CTNNA3: variants seen among roughly 807,000 people sequenced by gnomAD.
CTNNA3 encodes the protein catenin alpha-3.
Under a neutral mutation model 95.7 loss-of-function variants are expected in CTNNA3, and 76 were observed. The observed-to-expected ratio is 0.79, with a 90% CI of 0.66 to 0.96. The LOEUF (loss-of-function observed/expected upper bound fraction) is 0.96, where lower values mean the gene tolerates loss of function less well. CTNNA3 is among the 40% of genes least tolerant of loss of function. CTNNA3 has a pLI of 0.00. For synonymous variants in CTNNA3, 431 were observed against 374.4 expected (o/e 1.15, Z -1.74); for missense variants, 1,191 against 1,089.8 (o/e 1.09, Z -1.31).
intron 12 of CTNNA3, among the ~76,000 whole-genome samples, chr10:66,321,496 C>A (rs2092184941): frequency 1.3e-5 from 2 of 152,052 alleles, no homozygotes; most frequent in Non-Finnish European, 2.9e-5. Flanking sequence ...AAACTCTTAG[C>A]CTGTTTTAGA....
intron 3 of CTNNA3, among the ~76,000 whole-genome samples, chr10:67,558,649 T>G (rs1447486230): frequency 2.0e-5 from 3 of 152,070 alleles, no homozygotes; most frequent in Admixed American, 1.3e-4. Context: ...GGACAGTGGG[T>G]GCAGTGCACT....
rs1276069216 is a variant in CTNNA3, at chr10:66,427,247, T to G, written c.1532-47895A>C. ...CTCCACATTGGAGCCCAGGATACCT[T>G]TGGTTCTAATTTCTTCTCACTGCCA... On this transcript the variant is annotated intron_variant, in intron 11 of 17. Coordinates refer to ENST00000433211, the MANE Select transcript of CTNNA3 (RefSeq NM_013266.4). Among the ~76,000 whole-genome samples the G allele has an allele frequency of 2.0e-5, 3 of 152,150 alleles. No individual in the cohort carries two copies. The South Asian group carries it at 6.2e-4, about 32-fold the overall frequency.
At chr10:66,708,670 T>G (rs2132596753) in intron 9 of CTNNA3, among the ~76,000 whole-genome samples, 1 of 152,210 alleles carries the variant, frequency 6.6e-6, no homozygotes, top group South Asian at 2.1e-4. Context: ...AGGAAAGATA[T>G]AGCTCTCTCA....
chr10:66,189,692 A>C (rs1234003385), intron 13 of CTNNA3, among the ~76,000 whole-genome samples: 1 of 150,252 alleles, frequency 6.7e-6, no homozygotes. Flanking sequence ...TTTTTCTTTT[A>C]AATTACATAG....
chr10:66,713,558 A>G (rs977729428), intron 9 of CTNNA3, among the ~76,000 whole-genome samples: 1 of 152,074 alleles, frequency 6.6e-6, no homozygotes, highest in Non-Finnish European at 1.5e-5. Context: ...CCCTACTAAT[A>G]GATTATATCC....
intron 8 of CTNNA3, among the ~76,000 whole-genome samples, chr10:66,771,520 G>A (rs1349030168): frequency 2.0e-5 from 3 of 152,122 alleles, no homozygotes. Context: ...TAAAATCAGT[G>A]TATTAGGCAC....
chr10:67,586,305 G>C (rs551839127), intron 3 of CTNNA3, among the ~76,000 whole-genome samples: 1 of 152,060 alleles, frequency 6.6e-6, no homozygotes, highest in East Asian at 1.9e-4. Flanking sequence ...CCAGTTGTTG[G>C]GTAGAGTGTT....
At chr10:66,008,841 C>T (rs2078947791) in intron 15 of CTNNA3, among the ~76,000 whole-genome samples, 1 of 152,260 alleles carries the variant, frequency 6.6e-6, no homozygotes, top group East Asian at 1.9e-4. Flanking sequence ...GTGGCTCACA[C>T]CTGTAATCCC....
At chr10:67,673,065 A>G (rs1589556566) in intron 1 of CTNNA3, among the ~76,000 whole-genome samples, 1 of 151,738 alleles carries the variant, frequency 6.6e-6, no homozygotes, top group South Asian at 2.1e-4. Flanking sequence ...CTCCTTGAAG[A>G]GGTCCTTCAC....
intron 12 of CTNNA3, among the ~76,000 whole-genome samples, chr10:66,360,725 TTTC>T (rs1564896703): frequency 7.7e-4 from 12 of 15,624 alleles, no homozygotes; most frequent in African/African-American, 1.4e-3. Flanking sequence ...CCTTTCTTCC[TTTC>T]TTTCTTTCTT....
Position 66,531,024 on chromosome 10 carries a change from A to G in CTNNA3, c.1375-10251T>C, listed in dbSNP as rs573727378. Among the ~76,000 whole-genome samples, 7 of 152,232 alleles carry G rather than the reference A, an allele frequency of 4.6e-5. No individual in the cohort carries two copies. The South Asian group carries it at 1.0e-3, about 23-fold the overall frequency. The stretch of plus-strand genomic sequence containing the variant: ...GAAAATGTAATAAGTGGGAAAAATA[A>G]TGCTCCCGGGAGGTCTGTAAAAGGC... On this transcript the variant is annotated intron_variant, in intron 10 of 17. Coordinates refer to ENST00000433211, the MANE Select transcript of CTNNA3 (RefSeq NM_013266.4).
In CTNNA3 at chr10:66,927,029, G is replaced by A; in HGVS notation, c.1048-151505C>T. 1 of 1,614,156 alleles carries A rather than the reference G, an allele frequency of 6.2e-7. No homozygotes were observed. The highest frequency in any genetic ancestry group is 8.5e-7 in the Non-Finnish European group (1 of 1,180,022). On this transcript the variant is annotated intron_variant, in intron 7 of 17. Coordinates refer to ENST00000433211, the MANE Select transcript of CTNNA3 (RefSeq NM_013266.4). This position sits in a 1 kb window ranked among gnomAD's most constrained non-coding sequence, Gnocchi z 4.7. ...GCCGAACGAGGATGCCCTAAGGGCTGTAGGTGTGAAGGCAAAATGGTATAT... is the reference window on the plus strand; with the variant it reads ...GCCGAACGAGGATGCCCTAAGGGCTATAGGTGTGAAGGCAAAATGGTATAT...
intron 10 of CTNNA3, among the ~76,000 whole-genome samples, chr10:66,526,789 A>T (rs910949579): frequency 6.6e-6 from 1 of 151,892 alleles, no homozygotes; most frequent in African/African-American, 2.4e-5. Flanking sequence ...CCCATTTTTA[A>T]ATTGTTTTTT....
intron 13 of CTNNA3, among the ~76,000 whole-genome samples, chr10:66,218,744 G>A (rs1165980215): frequency 6.6e-6 from 1 of 152,182 alleles, no homozygotes; most frequent in Non-Finnish European, 1.5e-5. Flanking sequence ...AACTTAAAAT[G>A]TAAGAGTGGC....
At chr10:66,360,615 C>CTTTCTT (rs1434563317) in intron 12 of CTNNA3, among the ~76,000 whole-genome samples, 1 of 27,970 alleles carries the variant, frequency 3.6e-5, no homozygotes, top group African/African-American at 9.2e-5. Context: ...TTCTTTCTTT[C>CTTTCTT]TTTCTTTCTT....
At chr10:66,115,586 T>TAGATAGAGATAGAGATAGAGATAG (rs71035111) in intron 13 of CTNNA3, among the ~76,000 whole-genome samples, 1 of 118,038 alleles carries the variant, frequency 8.5e-6, no homozygotes, top group South Asian at 2.9e-4. Context: ...AGATGATAGA[T>TAGATAGAGATAGAGATAGAGATAG]AGATAGAGAT....
intron 5 of CTNNA3, among the ~76,000 whole-genome samples, chr10:67,347,894 C>T (rs539434804): frequency 6.7e-6 from 1 of 150,328 alleles, no homozygotes; most frequent in Non-Finnish European, 1.5e-5. Flanking sequence ...CATTCTGTGG[C>T]ATTTGTTTTT....
chr10:66,790,688 C>G (rs1336218763), intron 7 of CTNNA3, among the ~76,000 whole-genome samples: 4 of 152,210 alleles, frequency 2.6e-5, no homozygotes, highest in Non-Finnish European at 5.9e-5. Flanking sequence ...TATGCCATAA[C>G]TAATCTTATT....
chr10:66,598,353 G>A (rs1327945968), intron 10 of CTNNA3, among the ~76,000 whole-genome samples: 2 of 151,990 alleles, frequency 1.3e-5, no homozygotes, highest in East Asian at 3.9e-4. Flanking sequence ...TCAGGAATAA[G>A]ACAAGGATGC....
Sources: allele counts gnomAD v4.1 joint callset (sites outside exome capture counted in the v4.1 genomes callset), GRCh38; gene constraint gnomAD v4.1.1; non-coding constraint Gnocchi (gnomAD v3.1); transcripts MANE v1.5; gene names NCBI Gene and HGNC (gene_info 2026-07-23, HGNC 2026-07-21).